Variants in EIPR1 observed in about 807,000 individuals in gnomAD.
EIPR1 encodes the protein EARP complex and GARP complex interacting protein 1, also known as EARP and GARP complex-interacting protein 1.
Under a neutral mutation model 48.1 loss-of-function variants are expected in EIPR1, and 25 were observed. The ratio of observed to expected loss-of-function variants is 0.52; its 90% confidence interval spans 0.38 to 0.73. The LOEUF (loss-of-function observed/expected upper bound fraction) is 0.73. EIPR1 is among the 30% of genes least tolerant of loss of function. The probability of loss-of-function intolerance (pLI) is 0.00; values close to 1 mark genes in which losing one functional copy is unlikely to be tolerated. For missense variants in EIPR1, 415 were observed against 506.2 expected, an observed-to-expected ratio of 0.82 and a Z score of 1.73; for synonymous variants, 204 against 201.9, an observed-to-expected ratio of 1.01 and a Z score of -0.09.
At chr2:3,309,657 C>A (rs6749474) in intron 3 of EIPR1, among the ~76,000 whole-genome samples, 24,086 of 152,056 alleles carry the variant, frequency 0.16, 2,007 homozygotes, top group Non-Finnish European at 0.18. Flanking sequence ...AAAGGAAAAA[C>A]AGTGGGCGAG....
chr2:3,329,885 G>A (rs1669833916), intron 3 of EIPR1, among the ~76,000 whole-genome samples: 1 of 151,012 alleles, frequency 6.6e-6, no homozygotes, highest in Admixed American at 6.6e-5. Context: ...ACCAGCCTGG[G>A]CTCCCTTGGA....
At chr2:3,345,448 A>C (rs1670369817) in intron 2 of EIPR1, among the ~76,000 whole-genome samples, 1 of 149,786 alleles carries the variant, frequency 6.7e-6, no homozygotes, top group South Asian at 2.1e-4. Flanking sequence ...AACACGGTGA[A>C]ACCCCGTCTC....
At chr2:3,250,754 C>T (rs921801526) in intron 4 of EIPR1, among the ~76,000 whole-genome samples, 4 of 152,152 alleles carry the variant, frequency 2.6e-5, no homozygotes, top group South Asian at 2.1e-4. Flanking sequence ...TGAGTCTTCT[C>T]GCTCAGTTAG....
chr2:3,271,792 A>ATT (rs1048236160), intron 3 of EIPR1, among the ~76,000 whole-genome samples: 22 of 152,358 alleles, frequency 1.4e-4, no homozygotes, highest in African/African-American at 5.0e-4. Flanking sequence ...CAACAACTCC[A>ATT]TTAGCCCCTA....
chr2:3,215,756 C>T (rs538525640), intron 4 of EIPR1, among the ~76,000 whole-genome samples: 93 of 152,324 alleles, frequency 6.1e-4, no homozygotes, highest in African/African-American at 1.7e-3. Context: ...CTCCCTTACA[C>T]CGTCATCTCA....
At chr2:3,309,117 A>G (rs1432086307) in intron 3 of EIPR1, among the ~76,000 whole-genome samples, 2 of 152,244 alleles carry the variant, frequency 1.3e-5, no homozygotes, top group Non-Finnish European at 2.9e-5. Flanking sequence ...TTCTTAAACC[A>G]TATTTGATGG....
chr2:3,372,300 C>T (rs957294717), intron 1 of EIPR1, among the ~76,000 whole-genome samples: 1 of 149,344 alleles, frequency 6.7e-6, no homozygotes, highest in African/African-American at 2.5e-5. Context: ...AAAATTGACA[C>T]CTAACATCAC....
intron 1 of EIPR1, among the ~76,000 whole-genome samples, chr2:3,367,181 C>T (rs1181288395): frequency 1.3e-5 from 2 of 151,344 alleles, no homozygotes. Context: ...TACAGAAATG[C>T]CTCTGCAAGG....
chr2:3,257,033 A>T (rs1015540017), intron 4 of EIPR1, among the ~76,000 whole-genome samples: 1 of 152,120 alleles, frequency 6.6e-6, no homozygotes, highest in Non-Finnish European at 1.5e-5. Context: ...CTGACCCTTT[A>T]CCCTCTGGCA....
At chr2:3,275,558 G>A (rs951831556) in intron 3 of EIPR1, among the ~76,000 whole-genome samples, 12 of 151,732 alleles carry the variant, frequency 7.9e-5, no homozygotes, top group Non-Finnish European at 1.5e-4. Flanking sequence ...TAATCCATAC[G>A]ATATACCATT....
chr2:3,299,290 C>T (rs75265024), intron 3 of EIPR1, among the ~76,000 whole-genome samples: 5 of 151,046 alleles, frequency 3.3e-5, no homozygotes, highest in East Asian at 2.0e-4. Context: ...CCTGGCCCCC[C>T]GTCCTGCCGT....
At chr2:3,271,157 C>T (rs899293394) in intron 3 of EIPR1, among the ~76,000 whole-genome samples, 1 of 152,238 alleles carries the variant, frequency 6.6e-6, no homozygotes, top group Non-Finnish European at 1.5e-5. Context: ...TCAGGCTCCA[C>T]TTCTAATTCA....
chr2:3,304,771 C>T (rs1465218422), intron 3 of EIPR1, among the ~76,000 whole-genome samples: 3 of 150,744 alleles, frequency 2.0e-5, no homozygotes, highest in Non-Finnish European at 4.4e-5. Flanking sequence ...CCTCCAGTCC[C>T]GTCCAGTTCA....
intron 4 of EIPR1, among the ~76,000 whole-genome samples, chr2:3,223,214 A>C (rs1240596999): frequency 6.6e-6 from 1 of 152,174 alleles, no homozygotes; most frequent in Non-Finnish European, 1.5e-5. Flanking sequence ...CTTGGTCGAA[A>C]CACCACTTCC....
At chr2:3,344,248 G>T (rs992713037) in intron 2 of EIPR1, among the ~76,000 whole-genome samples, 1 of 152,184 alleles carries the variant, frequency 6.6e-6, no homozygotes, top group Admixed American at 6.5e-5. Flanking sequence ...CGTCATCCAT[G>T]ACTAAAACCC....
At chr2:3,283,571 TC>T (rs1244058289) in intron 3 of EIPR1, among the ~76,000 whole-genome samples, 1 of 152,116 alleles carries the variant, frequency 6.6e-6, no homozygotes, top group East Asian at 1.9e-4. Context: ...CGCCATGCCT[TC>T]CCCCAGCTGC....
chr2:3,368,841 C>A (rs534025017), intron 1 of EIPR1, among the ~76,000 whole-genome samples: 106 of 152,142 alleles, frequency 7.0e-4, no homozygotes, highest in African/African-American at 2.5e-3. Context: ...TAAAAAAATC[C>A]AGAATCATTA....
intron 4 of EIPR1, among the ~76,000 whole-genome samples, chr2:3,251,003 CA>C (rs1666986094): frequency 6.6e-6 from 1 of 151,772 alleles, no homozygotes; most frequent in Non-Finnish European, 1.5e-5. Flanking sequence ...AACAGACTAA[CA>C]GAGGCAGCTA....
intron 3 of EIPR1, among the ~76,000 whole-genome samples, chr2:3,289,560 T>G (rs896918453): frequency 6.6e-6 from 1 of 152,128 alleles, no homozygotes; most frequent in Non-Finnish European, 1.5e-5. Flanking sequence ...CCTCCCAGCT[T>G]GTAAACGAGG....
Sources: gnomAD v4.1 joint callset for allele counts (sites outside exome capture counted in the v4.1 genomes callset) on GRCh38, gnomAD v4.1.1 for gene constraint, MANE v1.5 for transcripts, NCBI Gene and HGNC (gene_info 2026-07-23, HGNC 2026-07-21) for gene names.